Variants in CKAP2L observed in about 807,000 individuals in gnomAD.
CKAP2L encodes cytoskeleton-associated protein 2-like.
A neutral mutation model predicts 65.7 loss-of-function variants in CKAP2L; 42 were observed. The ratio of observed to expected loss-of-function variants is 0.64; its 90% CI spans 0.50 to 0.83. CKAP2L has a LOEUF of 0.83. CKAP2L is among the 40% of genes least tolerant of loss of function. The probability of loss-of-function intolerance (pLI) is 0.00; values close to 1 mark genes in which losing one functional copy is unlikely to be tolerated. For missense variants in CKAP2L, 908 were observed against 871.0 expected (o/e 1.04, Z -0.53); for synonymous variants, 325 against 313.5 (o/e 1.04, Z -0.39).
At chr2:112,741,472 AAT>A (rs1488085678) in intron 7 of CKAP2L, among the ~76,000 whole-genome samples, 2 of 152,192 alleles carry the variant, frequency 1.3e-5, no homozygotes, top group Admixed American at 6.5e-5. Flanking sequence ...GTCTTGCATT[AAT>A]AGTTTTCATG....
At chr2:112,759,860 C>G (rs1680667042) in intron 3 of CKAP2L, among the ~76,000 whole-genome samples, 1 of 151,974 alleles carries the variant, frequency 6.6e-6, no homozygotes. Flanking sequence ...TTTTTCACTT[C>G]AGGAAGCACT....
In CKAP2L at chr2:112,756,226, G is replaced by C. The variant is rs148046269; in HGVS notation, c.1145C>G (p.Thr382Arg). 169 of 1,614,172 alleles carry C rather than the reference G, an allele frequency of 1.0e-4. No individual in the cohort carries two copies. The African/African-American group carries it at 1.8e-3, about 17-fold the overall frequency. ...SKAISQRPNL[T>R]VGRFNSAIPS... ...AATGGCTGAATTAAATCTGCCAACTGTCAAATTAGGCCTCTGGCTTATGGC... is the reference window on the plus strand; with the variant it reads ...AATGGCTGAATTAAATCTGCCAACTCTCAAATTAGGCCTCTGGCTTATGGC... Residue 382 changes from threonine to arginine, a missense_variant, in exon 4 of 9, where the codon ACA becomes AGA. By Grantham distance (71) the Thr-to-Arg change is moderately conservative. Coordinates refer to ENST00000302450, the MANE Select transcript of CKAP2L (RefSeq NM_152515.5).
At position 112,757,092 on chromosome 2, in the gene CKAP2L, C is replaced by A. The variant is rs1369072843; in HGVS notation, c.279G>T (p.Leu93Phe). ...PNTAGSQKPKLEPPKLLGKRL... is the reference protein window; with the variant it reads ...PNTAGSQKPKFEPPKLLGKRL... ...TTTTGCCCAGAAGTTTTGGTGGCTC[C>A]AACTTCGGCTTCTGGGACCCTGCAG... Residue 93 changes from leucine (L) to phenylalanine (F), a missense_variant, in exon 4 of 9, where the codon TTG becomes TTT. By Grantham distance (22) the Leu-to-Phe change is conservative. Coordinates refer to ENST00000302450, the MANE Select transcript of CKAP2L (RefSeq NM_152515.5). 1 of 1,614,044 alleles carries A rather than the reference C, an allele frequency of 6.2e-7. No individual in the cohort carries two copies. Among genetic ancestry groups the A allele is most frequent in the Non-Finnish European group, 8.5e-7 (1 of 1,180,028 alleles).
rs1261539419 is a variant in CKAP2L at position 112,738,157 on chromosome 2, TTC to T, written c.*664_*665del. The T allele has an allele frequency of 3.3e-5, 5 of 152,228 alleles. No individual in the cohort carries two copies. The highest frequency in any genetic ancestry group is 1.2e-4 in the African/African-American group (5 of 41,426). The allele number at this position is 152,228 out of a possible 1,614,324, so 9.4% of individuals were successfully genotyped here. On this transcript the variant is annotated 3_prime_UTR_variant, in exon 9 of 9. Coordinates refer to ENST00000302450, the MANE Select transcript of CKAP2L (RefSeq NM_152515.5). ...GCCCCCCTTTTGTTACTTGAAGTGT[TTC>T]TGAGTAACAAATGCAAAACTAGGTT... is the stretch of plus-strand genomic sequence containing the variant.
At chr2:112,764,527 C>A (rs1680841004) in intron 1 of CKAP2L, 35 bp downstream of exon 1, 1 of 1,612,956 alleles carries the variant, frequency 6.2e-7, no homozygotes, top group South Asian at 1.1e-5. Context: ...CGTGTTCCAA[C>A]GCCTGAGAAT....
rs761993286 is a variant in CKAP2L at position 112,764,569 on chromosome 2, G to T, written c.30C>A (p.Ala10=). The T allele has an allele frequency of 1.2e-5, 20 of 1,614,034 alleles. No homozygotes were observed. The Middle Eastern group carries it at 1.2e-3, about 93-fold the overall frequency. MVGPGPTAA[A]AVEERQRKLQ... is the part of the protein sequence containing the mutation. ...AACAGCGGTCGTACTCACCGACAGC[G>T]GCAGCAGCGGTAGGCCCGGGCCCCA... The change falls in exon 1 of 9, where the codon GCC becomes GCA. Residue 10 remains alanine, a synonymous_variant. Coordinates refer to ENST00000302450, the MANE Select transcript of CKAP2L (RefSeq NM_152515.5).
rs540280633 is a variant in CKAP2L at position 112,737,634 on chromosome 2, T to C, written c.*1189A>G. The C allele has an allele frequency of 1.5e-4, 23 of 152,304 alleles. No individual in the cohort carries two copies. The highest frequency in any genetic ancestry group is 5.5e-4 in the African/African-American group (23 of 41,576). The allele number at this position is 152,304 out of a possible 1,614,324, so 9.4% of individuals were successfully genotyped here. On this transcript the variant is annotated 3_prime_UTR_variant, in exon 9 of 9. Transcript: ENST00000302450. ...AAAGTCTGCTGGTATTACAGGTTTA[T>C]AGCTCAGTTTTTTGAGCTTTATTAT...
At chr2:112,754,045 G>A (rs1387201878) in intron 4 of CKAP2L, among the ~76,000 whole-genome samples, 1 of 152,154 alleles carries the variant, frequency 6.6e-6, no homozygotes, top group East Asian at 1.9e-4. Flanking sequence ...GCACACATAG[G>A]TATTTAATAA....
At chr2:112,764,468 G>A (rs1680836789) in intron 1 of CKAP2L, 94 bp downstream of exon 1, 4 of 1,383,626 alleles carry the variant, frequency 2.9e-6, no homozygotes, top group Non-Finnish European at 3.1e-6. Flanking sequence ...CGAGCGGACG[G>A]GCACCTCCCG....
chr2:112,743,529 C>G (rs571286342), intron 6 of CKAP2L, among the ~76,000 whole-genome samples: 1 of 152,092 alleles, frequency 6.6e-6, no homozygotes, highest in Non-Finnish European at 1.5e-5. Context: ...ACTCCACTTC[C>G]AGGGTTCAAG....
chr2:112,744,849 C>T (rs1309118553), intron 6 of CKAP2L, among the ~76,000 whole-genome samples: 3 of 152,278 alleles, frequency 2.0e-5, no homozygotes, highest in South Asian at 4.2e-4. Context: ...TTTTCAGACC[C>T]ACCTTTTATA....
chr2:112,746,863 C>A (rs1219992604), intron 5 of CKAP2L, among the ~76,000 whole-genome samples: 1 of 152,018 alleles, frequency 6.6e-6, no homozygotes, highest in Non-Finnish European at 1.5e-5. Context: ...TCTCGGTTCA[C>A]TGCAACCTCC....
chr2:112,757,392 T>G (rs1283966824), intron 3 of CKAP2L, among the ~76,000 whole-genome samples, 178 bp from the exon 4 acceptor site: 2 of 146,384 alleles, frequency 1.4e-5, no homozygotes, highest in African/African-American at 2.5e-5. Flanking sequence ...TGTGTTTTTT[T>G]TTTTTTTTTT....
intron 5 of CKAP2L, among the ~76,000 whole-genome samples, chr2:112,748,165 G>A (rs945299395): frequency 6.6e-6 from 1 of 152,118 alleles, no homozygotes; most frequent in Non-Finnish European, 1.5e-5. Context: ...TTCAAGAAAT[G>A]AACAAAGAAA....
chr2:112,761,393 A>G (rs1680715586), intron 2 of CKAP2L, among the ~76,000 whole-genome samples: 1 of 149,136 alleles, frequency 6.7e-6, no homozygotes, highest in South Asian at 2.2e-4. Context: ...ACTGGGAGGC[A>G]GAGCTTGCAG....
In CKAP2L at chr2:112,756,014, GGTTT is replaced by G; in HGVS notation, c.1353_1356del (p.Asn452GlnfsTer16). ...GCTGTTGCCTTCTTTTTAATATTTG[GGTTT>G]GTTTGGGTCCCATTTACGGTTGTGA... On this transcript the variant is annotated frameshift_variant, in exon 4 of 9. Coordinates refer to ENST00000302450, the MANE Select transcript of CKAP2L (RefSeq NM_152515.5). LOFTEE classifies it high-confidence loss of function. The G allele has an allele frequency of 6.3e-7, 1 of 1,598,690 alleles. No individual in the cohort carries two copies. The highest frequency in any genetic ancestry group is 8.5e-7 in the Non-Finnish European group (1 of 1,174,794).
At chr2:112,761,369 GA>G (rs1374654096) in intron 2 of CKAP2L, among the ~76,000 whole-genome samples, 1 of 145,340 alleles carries the variant, frequency 6.9e-6, no homozygotes, top group East Asian at 2.1e-4. Flanking sequence ...GCTGAGGCAG[GA>G]AAATGGCGTG....
intron 6 of CKAP2L, among the ~76,000 whole-genome samples, chr2:112,745,168 C>T (rs1021885623): frequency 3.9e-5 from 6 of 151,956 alleles, no homozygotes; most frequent in Non-Finnish European, 8.8e-5. Flanking sequence ...GGAGAAAGCT[C>T]TTTATCTAAG....
chr2:112,747,471 C>T (rs1680237127), intron 5 of CKAP2L, among the ~76,000 whole-genome samples: 1 of 152,130 alleles, frequency 6.6e-6, no homozygotes, highest in Middle Eastern at 3.2e-3. Context: ...AAGAATGACA[C>T]AGGCATGCGA....
Sources: gnomAD v4.1 joint callset for allele counts (sites outside exome capture counted in the v4.1 genomes callset) on GRCh38, gnomAD v4.1.1 for gene constraint, MANE v1.5 for transcripts, NCBI Gene and HGNC (gene_info 2026-07-23, HGNC 2026-07-21) for gene names.